APAF1: variants seen among roughly 807,000 people sequenced by gnomAD.
APAF1 encodes apoptotic protease-activating factor 1.
APAF1 carries 91 observed loss-of-function variants against 152.4 expected under a neutral mutation model. The ratio of observed to expected loss-of-function variants is 0.60; its 90% CI spans 0.50 to 0.71. APAF1 has a LOEUF of 0.71. Among genes scored for constraint, APAF1 ranks in the 30% least tolerant of loss-of-function variants. APAF1 has a pLI of 0.00. For synonymous variants in APAF1, 484 were observed against 494.1 expected, an observed-to-expected ratio of 0.98 and a Z score of 0.27; for missense variants, 1,283 against 1,472.0, an observed-to-expected ratio of 0.87 and a Z score of 2.10.
At chr12:98,693,065 TAAA>T (rs112776504) in intron 16 of APAF1, among the ~76,000 whole-genome samples, 1 of 144,374 alleles carries the variant, frequency 6.9e-6, no homozygotes, top group South Asian at 2.2e-4. Context: ...ATTTTTTGAC[TAAA>T]AAAAAAAAAC....
Position 98,686,782 on chromosome 12 carries a change from C to T in APAF1, c.2213C>T (p.Thr738Ile). 6.2e-7 allele frequency: 1 copy of T among 1,613,560 alleles called. No individual in the cohort carries two copies. Among genetic ancestry groups the T allele is most frequent in the African/African-American group, 1.3e-5 (1 of 75,006 alleles). ...TTGAATCAAAAAGAATGTCGAAATA[C>T]CATGTTTGGTCATACAAATTCAGTC... The part of the protein sequence containing the change: ...WDLNQKECRN[T>I]MFGHTNSVNH... The change falls in exon 16 of 27, where the codon ACC becomes ATC. Residue 738 changes from threonine to isoleucine, a missense_variant. Coordinates refer to ENST00000551964, the MANE Select transcript of APAF1 (RefSeq NM_181861.2).
intron 16 of APAF1, among the ~76,000 whole-genome samples, chr12:98,695,875 T>G (rs551667681): frequency 1.3e-5 from 2 of 152,342 alleles, no homozygotes; most frequent in South Asian, 4.1e-4. Context: ...TGCCAGCACT[T>G]CCTGAGTCTT....
chr12:98,730,536 A>C (rs940884971), intron 26 of APAF1, among the ~76,000 whole-genome samples: 1 of 152,242 alleles, frequency 6.6e-6, no homozygotes, highest in Non-Finnish European at 1.5e-5. Context: ...ATAGGTTTAC[A>C]TAGTATAGAT....
rs141077961 is a variant in APAF1 at position 98,670,061 on chromosome 12, C to T, written c.1495-912C>T. 1.3e-3 allele frequency among the ~76,000 whole-genome samples: 192 copies of T among 152,236 alleles called. 1 individual carries two copies. The highest frequency in any genetic ancestry group is 4.5e-3 in the African/African-American group (186 of 41,546). On this transcript the variant is annotated intron_variant, in intron 10 of 26. Transcript: ENST00000551964. ...CTGGGCTCAGGTGATCCTTCCACCT[C>T]AGCCTCCTGAGTAGCTGGGAGCACG...
intron 16 of APAF1, among the ~76,000 whole-genome samples, chr12:98,694,930 T>C (rs2097708132): frequency 6.6e-6 from 1 of 150,940 alleles, no homozygotes; most frequent in African/African-American, 2.4e-5. Flanking sequence ...GCTGGAGTGC[T>C]GTGGCACCAT....
chr12:98,664,233 A>G lies in APAF1; in HGVS notation c.956-1320A>G, dbSNP rs376721744. ...GGGGTTTCATCATCTTGGCCAGGGT[A>G]GTCTTGAACTCCTGACCTCGTGATC... On this transcript the variant is annotated intron_variant, in intron 7 of 26. Transcript: ENST00000551964. 2.1e-4 allele frequency among the ~76,000 whole-genome samples: 31 copies of G among 151,082 alleles called. 1 individual carries two copies. The East Asian group carries it at 3.2e-3, about 16-fold the overall frequency.
intron 5 of APAF1, among the ~76,000 whole-genome samples, chr12:98,660,754 A>G (rs1248270874): frequency 6.6e-6 from 1 of 152,242 alleles, no homozygotes; most frequent in Non-Finnish European, 1.5e-5. Flanking sequence ...GTTATAGTAT[A>G]CTGAGTGAGA....
intron 17 of APAF1, among the ~76,000 whole-genome samples, chr12:98,703,120 T>C (rs1364687081): frequency 1.3e-5 from 2 of 152,220 alleles, no homozygotes; most frequent in Non-Finnish European, 2.9e-5. Flanking sequence ...AAAGCTTTTA[T>C]TTCTCTTTAG....
rs2097764249 is a variant in APAF1 at position 98,732,822 on chromosome 12, G to C, written c.*256G>C. ...AAATGAAAATGTGAATACATACCTT[G>C]TTGTACTGTTGGTAAAATTCTGTCT... On this transcript the variant is annotated 3_prime_UTR_variant, in exon 27 of 27. Transcript: ENST00000551964. 1 of 417,494 alleles carries C rather than the reference G, an allele frequency of 2.4e-6. No individual in the cohort carries two copies. The highest frequency in any genetic ancestry group is 2.5e-5 in the South Asian group (1 of 40,186). 25.9% of individuals were successfully genotyped at this position (417,494 alleles called of 1,614,324 possible).
intron 22 of APAF1, among the ~76,000 whole-genome samples, chr12:98,722,148 C>T (rs1474698587): frequency 6.6e-6 from 1 of 152,198 alleles, no homozygotes; most frequent in Admixed American, 6.5e-5. Flanking sequence ...TATACTTTAA[C>T]TCCAACATTT....
chr12:98,702,875 TTA>T (rs1414170468), intron 17 of APAF1, among the ~76,000 whole-genome samples: 1 of 151,526 alleles, frequency 6.6e-6, no homozygotes, highest in Non-Finnish European at 1.5e-5. Flanking sequence ...GAAACTTGGA[TTA>T]CCCAAAGTAG....
At chr12:98,659,088 C>T in intron 4 of APAF1, 72 bp from the exon 5 acceptor site, 1 of 1,421,972 alleles carries the variant, frequency 7.0e-7, no homozygotes, top group Non-Finnish European at 9.9e-7. Flanking sequence ...AAATCTGATG[C>T]TTAACAGTAA....
At chr12:98,701,191 T>G (rs2097715076) in intron 17 of APAF1, among the ~76,000 whole-genome samples, 1 of 152,186 alleles carries the variant, frequency 6.6e-6, no homozygotes, top group African/African-American at 2.4e-5. Context: ...AACTGAGTGA[T>G]TTGTGTGATC....
chr12:98,699,292 AAAT>A (rs2097712796), intron 16 of APAF1, 113 bp from the exon 17 acceptor site: 2 of 1,058,110 alleles, frequency 1.9e-6, no homozygotes, highest in Non-Finnish European at 2.8e-6. Flanking sequence ...GCATAGGTAA[AAAT>A]AATTCATCAA....
At chr12:98,692,107 G>C (rs1333822010) in intron 16 of APAF1, among the ~76,000 whole-genome samples, 1 of 152,032 alleles carries the variant, frequency 6.6e-6, no homozygotes, top group Non-Finnish European at 1.5e-5. Context: ...TTTTTAGACA[G>C]AGTCTCGCTC....
intron 13 of APAF1, among the ~76,000 whole-genome samples, chr12:98,679,420 G>T (rs1392859262): frequency 6.6e-6 from 1 of 152,142 alleles, no homozygotes; most frequent in African/African-American, 2.4e-5. Context: ...CTATTTTATC[G>T]CTCAATAAAG....
intron 15 of APAF1, among the ~76,000 whole-genome samples, 158 bp downstream of exon 15, chr12:98,683,432 A>C (rs2097694619): frequency 6.6e-6 from 1 of 152,224 alleles, no homozygotes. Flanking sequence ...TAGCTTAAAA[A>C]TATTTTATTG....
chr12:98,696,459 ACCT>A (rs1225053014), intron 16 of APAF1, among the ~76,000 whole-genome samples: 1 of 152,108 alleles, frequency 6.6e-6, no homozygotes, highest in African/African-American at 2.4e-5. Flanking sequence ...TGACCCAGAC[ACCT>A]CCTATCAAGC....
intron 23 of APAF1, 109 bp from the exon 24 acceptor site, chr12:98,723,530 G>A: frequency 1.8e-6 from 2 of 1,112,964 alleles, no homozygotes; most frequent in Non-Finnish European, 2.6e-6. Flanking sequence ...AGAACAGCCA[G>A]TGTATTAAAA....
Sources: gnomAD v4.1 joint callset for allele counts (sites outside exome capture counted in the v4.1 genomes callset) on GRCh38, gnomAD v4.1.1 for gene constraint, MANE v1.5 for transcripts, NCBI Gene and HGNC (gene_info 2026-07-23, HGNC 2026-07-21) for gene names.